Variants in NUDT5 observed in about 807,000 individuals in gnomAD.
The protein encoded by NUDT5 is ADP-sugar pyrophosphatase.
NUDT5 carries 21 observed loss-of-function variants against 34.1 expected under a neutral mutation model. That is an observed-to-expected ratio of 0.62 (90% confidence interval 0.44 to 0.89). The LOEUF (loss-of-function observed/expected upper bound fraction) is 0.89. Ranked by LOEUF, NUDT5 falls within the 40% of genes least tolerant of loss-of-function variation. NUDT5 has a pLI of 0.00. For synonymous variants in NUDT5, 85 were observed against 97.6 expected (o/e 0.87, Z 0.76); for missense variants, 249 against 274.8 (o/e 0.91, Z 0.66).
chr10:12,167,621 T>C lies in NUDT5; in HGVS notation c.*81A>G, dbSNP rs538783157. On this transcript the variant is annotated 3_prime_UTR_variant, in exon 10 of 10. Coordinates refer to ENST00000491614, the MANE Select transcript of NUDT5 (RefSeq NM_014142.4). ...CGAAAAAGCTAATGGCAAATCTACA[T>C]TAAACTAAGTTGAATACAAAGTCTT... The C allele has an allele frequency of 8.8e-5, 120 of 1,358,276 alleles. 1 individual carries two copies. In the South Asian group the frequency reaches 1.4e-3, roughly 16 times the overall value. 84.1% of individuals were successfully genotyped at this position (1,358,276 alleles called of 1,614,324 possible).
In NUDT5 at chr10:12,186,478, G is replaced by A. The variant is rs75245281; in HGVS notation, c.-41-146C>T. 1.5e-3 allele frequency: 927 copies of A among 599,636 alleles called. 8 individuals are homozygous for A. Among genetic ancestry groups the A allele is most frequent in the African/African-American group, 0.015 (823 of 53,526 alleles). 37.1% of individuals were successfully genotyped at this position (599,636 alleles called of 1,614,324 possible). The stretch of plus-strand genomic sequence containing the variant: ...CTCAGTATGTGAGGGAACTGCCGCA[G>A]GTGGAAATGTGAACAGGGAGGCCCG... On this transcript the variant is annotated intron_variant, in intron 1 of 9. Transcript: ENST00000491614.
At chr10:12,191,128 A>G (rs893496590) in intron 1 of NUDT5, among the ~76,000 whole-genome samples, 1 of 152,136 alleles carries the variant, frequency 6.6e-6, no homozygotes, top group African/African-American at 2.4e-5. Context: ...TCATGCCTAT[A>G]ATCCCAGCAC....
At position 12,170,813 on chromosome 10, in the gene NUDT5, AG is replaced by A; in HGVS notation, c.497-44del. On this transcript the variant is annotated intron_variant, in intron 8 of 9. Coordinates refer to ENST00000491614, the MANE Select transcript of NUDT5 (RefSeq NM_014142.4). This position sits in a 1 kb window ranked among gnomAD's most constrained non-coding sequence, Gnocchi z 4.9. ...AAGTGAAAACAAAGCTAACGTCAAG[AG>A]CCTACCAAAACAACCCAAAATGTCT... 6.2e-7 allele frequency: 1 copy of A among 1,613,382 alleles called. No homozygotes were observed. The highest frequency in any genetic ancestry group is 2.2e-5 in the East Asian group (1 of 44,886).
chr10:12,184,512 G>A, intron 3 of NUDT5: 1 of 1,550,374 alleles, frequency 6.5e-7, no homozygotes, highest in South Asian at 1.2e-5. Context: ...TAGCAATGTT[G>A]TTGTTTTCTC....
intron 5 of NUDT5, among the ~76,000 whole-genome samples, chr10:12,176,980 C>T (rs191183892): frequency 2.6e-5 from 4 of 151,486 alleles, no homozygotes; most frequent in African/African-American, 4.9e-5. Flanking sequence ...ATATTAGCCA[C>T]GTGTGGTGAC....
chr10:12,169,216 C>A lies in NUDT5; in HGVS notation c.551-1405G>T. On this transcript the variant is annotated intron_variant, in intron 9 of 9. Coordinates refer to ENST00000491614, the MANE Select transcript of NUDT5 (RefSeq NM_014142.4). The surrounding 1 kb of genome is among the most constrained non-coding windows in gnomAD (Gnocchi z 4.8). ...TTTATAGCCATAGTAGCCCTCTCTC[C>A]ACCTCCCCTCACTTATTCTATTTTT... 1 of 1,371,408 alleles carries A rather than the reference C, an allele frequency of 7.3e-7. No homozygotes were observed. Among genetic ancestry groups the A allele is most frequent in the Non-Finnish European group, 1.0e-6 (1 of 986,860 alleles). 85.0% of individuals were successfully genotyped at this position (1,371,408 alleles called of 1,614,324 possible).
rs560544768 is a variant in NUDT5, at chr10:12,172,884, A to G, written c.386-18T>C. On this transcript the variant is annotated intron_variant, in intron 6 of 9. Coordinates refer to ENST00000491614, the MANE Select transcript of NUDT5 (RefSeq NM_014142.4). ...ACAGACCGCTGTGGAGAGAAGGGAC[A>G]GTCAGATGCGTCAGTCCCTTTGGCA... 5.1e-4 allele frequency: 790 copies of G among 1,541,230 alleles called. 10 individuals are homozygous for G. The South Asian group carries it at 7.6e-3, about 15-fold the overall frequency.
intron 2 of NUDT5, among the ~76,000 whole-genome samples, chr10:12,185,422 G>C (rs1835109663): frequency 6.6e-6 from 1 of 152,112 alleles, no homozygotes; most frequent in Non-Finnish European, 1.5e-5. Context: ...GGGGAAACAG[G>C]GTCCATCCAG....
At chr10:12,179,593 C>A (rs1258680284) in intron 3 of NUDT5, among the ~76,000 whole-genome samples, 1 of 152,188 alleles carries the variant, frequency 6.6e-6, no homozygotes, top group African/African-American at 2.4e-5. Context: ...AAATATGTGA[C>A]CTAAAACACA....
At chr10:12,179,506 A>T (rs1835011362) in intron 3 of NUDT5, among the ~76,000 whole-genome samples, 1 of 152,140 alleles carries the variant, frequency 6.6e-6, no homozygotes, top group African/African-American at 2.4e-5. Flanking sequence ...ATAGGAAAAG[A>T]CTCACCCCGT....
At position 12,170,858 on chromosome 10, in the gene NUDT5, C is replaced by T; in HGVS notation, c.496+42G>A. 6.2e-7 allele frequency: 1 copy of T among 1,613,786 alleles called. No individual in the cohort carries two copies. Among genetic ancestry groups the T allele is most frequent in the Non-Finnish European group, 8.5e-7 (1 of 1,179,716 alleles). ...AATGTCTGCAGCCATCACCACTACA[C>T]TAAGTCATACACGCTCGGCCACCAG... On this transcript the variant is annotated intron_variant, in intron 8 of 9. Coordinates refer to ENST00000491614, the MANE Select transcript of NUDT5 (RefSeq NM_014142.4). This position sits in a 1 kb window ranked among gnomAD's most constrained non-coding sequence, Gnocchi z 4.9.
chr10:12,170,022 GA>G lies in NUDT5; in HGVS notation c.550+694del, dbSNP rs1188102473. The G allele has an allele frequency of 7.8e-7, 1 of 1,277,260 alleles. No homozygotes were observed. Among genetic ancestry groups the G allele is most frequent in the Non-Finnish European group, 1.1e-6 (1 of 887,258 alleles). The allele number at this position is 1,277,260 out of a possible 1,614,324, so 79.1% of individuals were successfully genotyped here. ...GCCAGCCCATACAGAGGTGCTCCTT[GA>G]AGGGCCCATGGTATGTCTCCATACA... is the stretch of plus-strand genomic sequence containing the variant. On this transcript the variant is annotated intron_variant, in intron 9 of 9. Transcript: ENST00000491614. The surrounding 1 kb of genome is among the most constrained non-coding windows in gnomAD (Gnocchi z 4.9).
chr10:12,180,979 C>T (rs918483346), intron 3 of NUDT5, among the ~76,000 whole-genome samples: 2 of 152,184 alleles, frequency 1.3e-5, no homozygotes, highest in Non-Finnish European at 2.9e-5. Context: ...CTAAAATTAA[C>T]CCCACATCCC....
chr10:12,167,937 G>GT (rs71513318), intron 9 of NUDT5, 126 bp from the exon 10 acceptor site: 75 of 1,436,738 alleles, frequency 5.2e-5, no homozygotes, highest in South Asian at 4.7e-4. Context: ...TGGTGATAAC[G>GT]TTTTTTTTGG....
chr10:12,185,573 G>A (rs1835113039), intron 2 of NUDT5, among the ~76,000 whole-genome samples: 2 of 152,218 alleles, frequency 1.3e-5, no homozygotes, highest in Admixed American at 6.5e-5. Context: ...AGAGGAAAGC[G>A]TCACTGCGTA....
rs2131698248 is a variant in NUDT5 at position 12,170,428 on chromosome 10, A to G, written c.550+289T>C. The G allele has an allele frequency of 1.6e-6, 1 of 618,908 alleles. No individual in the cohort carries two copies. The highest frequency in any genetic ancestry group is 2.7e-5 in the East Asian group (1 of 36,504). The allele number at this position is 618,908 out of a possible 1,614,324, so 38.3% of individuals were successfully genotyped here. A position where few individuals can be genotyped will look rare whatever the true frequency, so the allele number is the denominator to read the frequency against. Reference sequence around the variant, plus strand: ...GCTATGGACTGAAGGTTTAAAGTGTAGAATCGTTTTGGCTACTCAGCAGGA... The same window carrying G: ...GCTATGGACTGAAGGTTTAAAGTGTGGAATCGTTTTGGCTACTCAGCAGGA... On this transcript the variant is annotated intron_variant, in intron 9 of 9. Coordinates refer to ENST00000491614, the MANE Select transcript of NUDT5 (RefSeq NM_014142.4). This position sits in a 1 kb window ranked among gnomAD's most constrained non-coding sequence, Gnocchi z 4.9.
chr10:12,186,623 T>C (rs1224807701), intron 1 of NUDT5, among the ~76,000 whole-genome samples: 2 of 125,962 alleles, frequency 1.6e-5, no homozygotes, highest in East Asian at 2.3e-4. Flanking sequence ...TTTTTCTTTT[T>C]TTTTTTTTCT....
intron 9 of NUDT5, 44 bp from the exon 10 acceptor site, chr10:12,167,855 A>C: frequency 6.2e-7 from 1 of 1,608,938 alleles, no homozygotes; most frequent in Non-Finnish European, 8.5e-7. Flanking sequence ...CCGTTAAGGA[A>C]GGACAAAACA....
rs1834749349 is a variant in NUDT5 at position 12,168,007 on chromosome 10, C to T, written c.551-196G>A. The T allele has an allele frequency of 9.9e-7, 1 of 1,007,778 alleles. No individual in the cohort carries two copies. The allele number at this position is 1,007,778 out of a possible 1,614,324, so 62.4% of individuals were successfully genotyped here. A position where few individuals can be genotyped will look rare whatever the true frequency, so the allele number is the denominator to read the frequency against. ...GCAAGATTACATTCCTAGCATGAGA[C>T]AAGAACATCAGGGATAATGATTTTT... On this transcript the variant is annotated intron_variant, in intron 9 of 9. Coordinates refer to ENST00000491614, the MANE Select transcript of NUDT5 (RefSeq NM_014142.4). This position sits in a 1 kb window ranked among gnomAD's most constrained non-coding sequence, Gnocchi z 4.8.
Sources: allele counts gnomAD v4.1 joint callset (sites outside exome capture counted in the v4.1 genomes callset), GRCh38; gene constraint gnomAD v4.1.1; non-coding constraint Gnocchi (gnomAD v3.1); transcripts MANE v1.5; gene names NCBI Gene and HGNC (gene_info 2026-07-23, HGNC 2026-07-21).